MEIS1: variants seen among roughly 807,000 people sequenced by gnomAD.
MEIS1 encodes Meis homeobox 1.
In MEIS1, 5 loss-of-function variants were observed where a neutral mutation model predicts 50.8. The observed-to-expected ratio is 0.10, with a 90% CI of 0.05 to 0.21. The LOEUF (loss-of-function observed/expected upper bound fraction) is 0.21, where lower values mean the gene tolerates loss of function less well. MEIS1 is among the 10% of genes least tolerant of loss of function. MEIS1 has a pLI of 1.00. For missense variants in MEIS1, 318 were observed against 517.3 expected (o/e 0.61, Z 3.74); for synonymous variants, 176 against 179.3 (o/e 0.98, Z 0.15).
chr2:66,550,705 C>G (rs2103936990), intron 9 of MEIS1, among the ~76,000 whole-genome samples: 2 of 151,982 alleles, frequency 1.3e-5, no homozygotes, highest in African/African-American at 4.8e-5. Flanking sequence ...GCTATGTTGC[C>G]CAGGCTGGTC....
chr2:66,550,305 A>G (rs574203630), intron 9 of MEIS1, among the ~76,000 whole-genome samples: 1 of 152,266 alleles, frequency 6.6e-6, no homozygotes, highest in South Asian at 2.1e-4. Context: ...GCATTTGGCA[A>G]TTGTTTCAAC....
intron 7 of MEIS1, among the ~76,000 whole-genome samples, chr2:66,467,822 C>CT (rs1672674372): frequency 6.6e-6 from 1 of 152,044 alleles, no homozygotes; most frequent in Non-Finnish European, 1.5e-5. Context: ...GAGATTGATT[C>CT]TTTAATAGTA....
chr2:66,465,777 C>T (rs181251470), intron 7 of MEIS1, among the ~76,000 whole-genome samples: 1 of 152,286 alleles, frequency 6.6e-6, no homozygotes, highest in East Asian at 1.9e-4. Context: ...TGTAATGCAT[C>T]TGTTTTCTCA....
At chr2:66,511,258 A>G (rs1000194763) in intron 7 of MEIS1, among the ~76,000 whole-genome samples, 25 of 152,290 alleles carry the variant, frequency 1.6e-4, no homozygotes, top group African/African-American at 5.8e-4. Flanking sequence ...CTTATTAAAC[A>G]TGGCATTTTA....
At position 66,527,591 on chromosome 2, in the gene MEIS1, A is replaced by AGTGTGTGT. The variant is rs71409176; in HGVS notation, c.888+15340_888+15347dup. On this transcript the variant is annotated intron_variant, in intron 8 of 12. Transcript: ENST00000272369. Reference sequence around the variant, plus strand: ...TGATACCTGTATTGCAGTAAAAGCAAGTGTGTGTGTGTGTGTGTGTGTGTG... The same window carrying AGTGTGTGT: ...TGATACCTGTATTGCAGTAAAAGCAAGTGTGTGTGTGTGTGTGTGTGTGTGTGTGTGTG... Among the ~76,000 whole-genome samples the AGTGTGTGT allele has an allele frequency of 2.9e-3, 358 of 124,470 alleles. 4 individuals carry two copies. The highest frequency in any genetic ancestry group is 0.011 in the Admixed American group (137 of 12,536). 81.7% of individuals were successfully genotyped at this position (124,470 alleles called of 152,430 possible).
In MEIS1 at chr2:66,512,282, C is replaced by T; in HGVS notation, c.876C>T (p.Phe292=). 1.2e-6 allele frequency: 2 copies of T among 1,611,170 alleles called. No homozygotes were observed. The highest frequency in any genetic ancestry group is 2.2e-5 in the East Asian group (1 of 44,806). Residue 292 remains phenylalanine, a synonymous_variant, in exon 8 of 13, where the codon TTC becomes TTT. Transcript: ENST00000272369. The part of the protein sequence containing the change: ...VATNIMRAWL[F]QHLTHPYPSE... ...CAAATATCATGAGGGCGTGGCTGTT[C>T]CAGCATCTAACAGTAAGTGGATTCT...
chr2:66,536,859 G>C (rs536876739), intron 8 of MEIS1, among the ~76,000 whole-genome samples: 50 of 152,288 alleles, frequency 3.3e-4, no homozygotes, highest in Admixed American at 9.2e-4. Context: ...TCTCAGCAGT[G>C]TATATTATTT....
At chr2:66,498,618 G>A (rs1178243328) in intron 7 of MEIS1, among the ~76,000 whole-genome samples, 1 of 152,120 alleles carries the variant, frequency 6.6e-6, no homozygotes, top group Non-Finnish European at 1.5e-5. Context: ...CTCAAAATGG[G>A]GCTCAGAGTA....
rs183915223 is a variant in MEIS1 at position 66,491,667 on chromosome 2, A to G, written c.743-20482A>G. Among the ~76,000 whole-genome samples, 190 of 152,270 alleles carry G rather than the reference A, an allele frequency of 1.2e-3. 3 individuals are homozygous for G. Among genetic ancestry groups the G allele is most frequent in the Non-Finnish European group, 2.8e-4 (19 of 68,032 alleles). ...TAGTGTATGTTTTCAGAATCAATCT[A>G]TCAAGTGAGGCCAAGAAATGCCATA... On this transcript the variant is annotated intron_variant, in intron 7 of 12. Transcript: ENST00000272369.
chr2:66,547,010 C>T (rs1221211986), intron 8 of MEIS1, among the ~76,000 whole-genome samples: 1 of 152,126 alleles, frequency 6.6e-6, no homozygotes, highest in African/African-American at 2.4e-5. Context: ...AGAGGGTTGA[C>T]TCTCAGAAGA....
chr2:66,452,607 A>C lies in MEIS1; in HGVS notation c.630+9559A>C, dbSNP rs1254503351. Among the ~76,000 whole-genome samples, 3 of 152,082 alleles carry C rather than the reference A, an allele frequency of 2.0e-5. 1 individual carries two copies. The East Asian group carries it at 5.8e-4, about 29-fold the overall frequency. On this transcript the variant is annotated intron_variant, in intron 6 of 12. Coordinates refer to ENST00000272369, the MANE Select transcript of MEIS1 (RefSeq NM_002398.3). ...TAACAAAGAGAAACAGGAATTTTAC[A>C]TTTGGAATTGATCTTGATGATAAAT...
At chr2:66,443,377 C>G (rs1038917315) in intron 6 of MEIS1, 9 of 250,202 alleles carry the variant, frequency 3.6e-5, no homozygotes, top group Admixed American at 1.2e-4. Flanking sequence ...ATTGTAGGGG[C>G]TTTGTTCCGG....
chr2:66,496,439 C>T (rs982379017), intron 7 of MEIS1, among the ~76,000 whole-genome samples: 4 of 152,058 alleles, frequency 2.6e-5, no homozygotes, highest in African/African-American at 4.8e-5. Context: ...CCTGACCAGG[C>T]CTGGTCAGTG....
At chr2:66,550,158 TA>T (rs1162740235) in intron 9 of MEIS1, among the ~76,000 whole-genome samples, 4 of 152,198 alleles carry the variant, frequency 2.6e-5, no homozygotes, top group African/African-American at 9.6e-5. Flanking sequence ...GTAAATAACT[TA>T]AAAATAGCTT....
chr2:66,519,996 T>A (rs1246762662), intron 8 of MEIS1, among the ~76,000 whole-genome samples: 1 of 152,132 alleles, frequency 6.6e-6, no homozygotes, highest in Non-Finnish European at 1.5e-5. Context: ...AGTACCCAAG[T>A]GCTGTCATTT....
intron 9 of MEIS1, among the ~76,000 whole-genome samples, chr2:66,555,489 T>A (rs1675038092): frequency 6.6e-6 from 1 of 152,230 alleles, no homozygotes. Flanking sequence ...CAAAGGAAGC[T>A]CTGTAAGGGG....
chr2:66,521,081 C>T (rs1026518434), intron 8 of MEIS1, among the ~76,000 whole-genome samples: 75 of 152,370 alleles, frequency 4.9e-4, no homozygotes, highest in African/African-American at 1.8e-3. Flanking sequence ...CAAGAATGGT[C>T]CTTCCCTATC....
intron 6 of MEIS1, among the ~76,000 whole-genome samples, chr2:66,447,758 C>A (rs915512981): frequency 2.0e-5 from 3 of 152,164 alleles, no homozygotes; most frequent in Non-Finnish European, 4.4e-5. Flanking sequence ...AGATCACTTA[C>A]ATTGGTAAAT....
rs144778967 is a variant in MEIS1, at chr2:66,568,717, G to A, written c.1075G>A (p.Val359Ile). 10 of 1,613,764 alleles carry A rather than the reference G, an allele frequency of 6.2e-6. No homozygotes were observed. Among genetic ancestry groups the A allele is most frequent in the East Asian group, 4.5e-5 (2 of 44,868 alleles). ...NPDGQPMGGFVMDGQQHMGIR... is the reference protein window; with the variant it reads ...NPDGQPMGGFIMDGQQHMGIR... ...TGATGGACAGCCCATGGGAGGTTTC[G>A]TAATGGACGGTCAGCAACATATGGG... Residue 359 changes from valine (V) to isoleucine (I), a missense_variant, in exon 11 of 13, where the codon GTA becomes ATA. Transcript: ENST00000272369.
Sources: allele counts gnomAD v4.1 joint callset (sites outside exome capture counted in the v4.1 genomes callset), GRCh38; gene constraint gnomAD v4.1.1; transcripts MANE v1.5; gene names NCBI Gene and HGNC (gene_info 2026-07-23, HGNC 2026-07-21).